The following DOCK7 variants were observed in gnomAD, a reference collection of about 807,000 sequenced individuals.
DOCK7 encodes the protein dedicator of cytokinesis protein 7.
DOCK7 carries 138 observed loss-of-function variants against 271.0 expected under a neutral mutation model. The ratio of observed to expected loss-of-function variants is 0.51; its 90% CI spans 0.44 to 0.59. DOCK7 has a LOEUF of 0.59. Among genes scored for constraint, DOCK7 ranks in the 20% least tolerant of loss-of-function variants. The pLI is 0.00. For synonymous variants in DOCK7, 823 were observed against 876.1 expected (o/e 0.94, Z 1.07); for missense variants, 2,066 against 2,592.4 (o/e 0.80, Z 4.41).
At chr1:62,565,287 T>C (rs1057163610) in intron 18 of DOCK7, among the ~76,000 whole-genome samples, 1 of 152,026 alleles carries the variant, frequency 6.6e-6, no homozygotes, top group African/African-American at 2.4e-5. Context: ...ATATCCCTGA[T>C]CAACATCGAT....
At chr1:62,675,964 T>C (rs1660509671) in intron 1 of DOCK7, among the ~76,000 whole-genome samples, 1 of 152,202 alleles carries the variant, frequency 6.6e-6, no homozygotes, top group Non-Finnish European at 1.5e-5. Flanking sequence ...TGGCAGTCAT[T>C]GTGGAACAGT....
intron 14 of DOCK7, among the ~76,000 whole-genome samples, chr1:62,606,883 A>AT: frequency 6.6e-6 from 1 of 152,102 alleles, no homozygotes; most frequent in Non-Finnish European, 1.5e-5. Context: ...TTCTCCCTTC[A>AT]ATACCCTATA....
chr1:62,665,714 CAAAAAAAAA>C (rs59439795), intron 1 of DOCK7, among the ~76,000 whole-genome samples: 2 of 43,092 alleles, frequency 4.6e-5, no homozygotes, highest in Admixed American at 3.5e-4. Flanking sequence ...GACTCCATCT[CAAAAAAAAA>C]AAAAAAAAAA....
chr1:62,565,335 A>G (rs1271058507), intron 18 of DOCK7, among the ~76,000 whole-genome samples: 1 of 152,218 alleles, frequency 6.6e-6, no homozygotes, highest in East Asian at 1.9e-4. Flanking sequence ...AACCGAATGC[A>G]GCAGCACACC....
At chr1:62,471,081 C>G (rs1645818106) in intron 48 of DOCK7, among the ~76,000 whole-genome samples, 1 of 152,152 alleles carries the variant, frequency 6.6e-6, no homozygotes, top group African/African-American at 2.4e-5. Context: ...AATATATTTT[C>G]TCTTCCTTAT....
chr1:62,513,003 C>CCAGTTA (rs1171171986), intron 33 of DOCK7, among the ~76,000 whole-genome samples: 2 of 151,812 alleles, frequency 1.3e-5, no homozygotes, highest in East Asian at 3.9e-4. Flanking sequence ...TGTAGGTTCA[C>CCAGTTA]CAGTTACAAC....
At chr1:62,677,658 C>T (rs1660684996) in intron 1 of DOCK7, among the ~76,000 whole-genome samples, 1 of 152,010 alleles carries the variant, frequency 6.6e-6, no homozygotes, top group South Asian at 2.1e-4. Context: ...AGGGAGTTAA[C>T]TCTGAAGAAA....
chr1:62,644,589 C>T (rs1656413621), intron 7 of DOCK7, among the ~76,000 whole-genome samples: 1 of 152,118 alleles, frequency 6.6e-6, no homozygotes, highest in South Asian at 2.1e-4. Context: ...CTTGACCATG[C>T]CTAGAAGATA....
At chr1:62,514,425 A>G (rs1333357098) in intron 31 of DOCK7, among the ~76,000 whole-genome samples, 1 of 152,180 alleles carries the variant, frequency 6.6e-6, no homozygotes, top group African/African-American at 2.4e-5. Context: ...CTTATAGCAT[A>G]TAAGGTTGAA....
At chr1:62,673,553 G>C (rs1213714179) in intron 1 of DOCK7, among the ~76,000 whole-genome samples, 1 of 151,964 alleles carries the variant, frequency 6.6e-6, no homozygotes, top group Admixed American at 6.6e-5. Flanking sequence ...AAAACAGAGA[G>C]AAAAGAAAAG....
chr1:62,482,344 ATTTT>A (rs11349522), intron 43 of DOCK7: 10 of 125,324 alleles, frequency 8.0e-5, no homozygotes, highest in Non-Finnish European at 1.8e-4. Flanking sequence ...GACTCTAAGC[ATTTT>A]TTTTTTTTTT....
rs779337525 is a variant in DOCK7, at chr1:62,626,628, T to A, written c.1283-1227A>T. On this transcript the variant is annotated intron_variant, in intron 11 of 49. Coordinates refer to ENST00000635253, the MANE Select transcript of DOCK7 (RefSeq NM_001367561.1). ...ACTGTAGGCCAACACTTAGATTAGA[T>A]ACCAACTAGATAACTTTGATGAAAT... Among the ~76,000 whole-genome samples the A allele has an allele frequency of 9.9e-5, 15 of 152,202 alleles. No homozygotes were observed. In the East Asian group the frequency reaches 2.7e-3, roughly 27 times the overall value.
In DOCK7 at chr1:62,553,340, ATATATATATATATATTTTTTTTTTTTTTT is replaced by A. The variant is rs1445748788; in HGVS notation, c.2597-468_2597-440del. 2.6e-3 allele frequency among the ~76,000 whole-genome samples: 22 copies of A among 8,398 alleles called. 1 individual carries two copies. The South Asian group carries it at 0.03, about 11-fold the overall frequency. 5.5% of individuals were successfully genotyped at this position (8,398 alleles called of 152,430 possible). ...TATATATATATATATATATATATATATATATATATATATATTTTTTTTTTTTTTTTTTTTTTTTTTTTTTTAATAGGCAG... is the reference window on the plus strand; with the variant it reads ...TATATATATATATATATATATATATATTTTTTTTTTTTTTTTAATAGGCAG... On this transcript the variant is annotated intron_variant, in intron 21 of 49. Transcript: ENST00000635253.
In DOCK7 at chr1:62,654,177, A is replaced by G. The variant is rs368283475; in HGVS notation, c.145-18T>C. ...AGGGGCACCTTTGTAAAAAGTTGGG[A>G]TAAGAGATGGGTAGAAAACAAGAGG... On this transcript the variant is annotated intron_variant, in intron 2 of 49. Transcript: ENST00000635253. 1.1e-5 allele frequency: 18 copies of G among 1,600,258 alleles called. No homozygotes were observed. Among genetic ancestry groups the G allele is most frequent in the Non-Finnish European group, 1.5e-5 (18 of 1,173,014 alleles).
intron 37 of DOCK7, 111 bp from the exon 38 acceptor site, chr1:62,496,608 A>G (rs1646629623): frequency 3.9e-6 from 4 of 1,022,920 alleles, no homozygotes; most frequent in Non-Finnish European, 5.5e-6. Context: ...TCTAAGCAAA[A>G]TATTTTTTAA....
intron 39 of DOCK7, 33 bp from the exon 40 acceptor site, chr1:62,494,500 T>C (rs765281111): frequency 2.6e-6 from 4 of 1,565,854 alleles, no homozygotes; most frequent in Non-Finnish European, 3.5e-6. Flanking sequence ...TCCATTAGTA[T>C]GTGCTTCCCA....
chr1:62,549,866 C>T (rs928641773), intron 22 of DOCK7, among the ~76,000 whole-genome samples: 2 of 152,140 alleles, frequency 1.3e-5, no homozygotes, highest in Admixed American at 6.5e-5. Context: ...TACTCTCCAT[C>T]TCCATGAGTT....
rs559046044 is a variant in DOCK7 at position 62,637,258 on chromosome 1, C to T, written c.819-655G>A. 9.9e-5 allele frequency among the ~76,000 whole-genome samples: 15 copies of T among 152,154 alleles called. No individual in the cohort carries two copies. The South Asian group carries it at 1.5e-3, about 15-fold the overall frequency. ...CATAGTAATTCCCATTATATGAATACGGCAAAATTGTATACTTAATTGAGA... is the reference window on the plus strand; with the variant it reads ...CATAGTAATTCCCATTATATGAATATGGCAAAATTGTATACTTAATTGAGA... On this transcript the variant is annotated intron_variant, in intron 7 of 49. Coordinates refer to ENST00000635253, the MANE Select transcript of DOCK7 (RefSeq NM_001367561.1).
intron 30 of DOCK7, 59 bp from the exon 31 acceptor site, chr1:62,528,364 C>A: frequency 6.8e-7 from 1 of 1,466,346 alleles, no homozygotes; most frequent in Non-Finnish European, 9.3e-7. Context: ...AATTCCCTTT[C>A]CTATTCTCCA....
Sources: gnomAD v4.1 joint callset for allele counts (sites outside exome capture counted in the v4.1 genomes callset) on GRCh38, gnomAD v4.1.1 for gene constraint, MANE v1.5 for transcripts, NCBI Gene and HGNC (gene_info 2026-07-23, HGNC 2026-07-21) for gene names.